TSC22D2: variants seen among roughly 807,000 people sequenced by gnomAD.
TSC22D2 encodes the protein TSC22 domain family protein 2.
In TSC22D2, 5 loss-of-function variants were observed where a neutral mutation model predicts 50.1. The observed-to-expected ratio is 0.10, with a 90% CI of 0.05 to 0.21. The LOEUF (loss-of-function observed/expected upper bound fraction) is 0.21. Among genes scored for constraint, TSC22D2 ranks in the 10% least tolerant of loss-of-function variants. The pLI is 1.00. For missense variants in TSC22D2, 1,003 were observed against 1,015.5 expected (o/e 0.99, Z 0.17); for synonymous variants, 501 against 450.1 (o/e 1.11, Z -1.43).
At chr3:150,451,062 G>A (rs886833480) in intron 1 of TSC22D2, among the ~76,000 whole-genome samples, 14 of 152,066 alleles carry the variant, frequency 9.2e-5, no homozygotes, top group Non-Finnish European at 1.5e-4. Context: ...TAGTTGGTTT[G>A]GGCAAGGGGG....
chr3:150,449,120 A>G (rs914266574), intron 1 of TSC22D2, among the ~76,000 whole-genome samples: 1 of 152,110 alleles, frequency 6.6e-6, no homozygotes, highest in African/African-American at 2.4e-5. Context: ...CACAAATATC[A>G]CTTATGTTGA....
chr3:150,440,108 GAAGTT>G (rs764687170), intron 1 of TSC22D2, among the ~76,000 whole-genome samples: 1 of 152,154 alleles, frequency 6.6e-6, no homozygotes, highest in Non-Finnish European at 1.5e-5. Context: ...AAAGCTTAGG[GAAGTT>G]AAGTAACTTG....
intron 1 of TSC22D2, among the ~76,000 whole-genome samples, chr3:150,443,818 C>CA: frequency 6.6e-6 from 1 of 152,214 alleles, no homozygotes; most frequent in East Asian, 1.9e-4. Context: ...ACCAGATTTA[C>CA]AAATGGTTTC....
intron 1 of TSC22D2, among the ~76,000 whole-genome samples, chr3:150,416,439 C>T (rs1227989732): frequency 6.6e-6 from 1 of 152,164 alleles, no homozygotes; most frequent in Non-Finnish European, 1.5e-5. Flanking sequence ...TGTAGCAAAA[C>T]TCCTAAATTA....
chr3:150,439,367 T>A (rs1720644815), intron 1 of TSC22D2, among the ~76,000 whole-genome samples: 1 of 152,196 alleles, frequency 6.6e-6, no homozygotes, highest in Admixed American at 6.5e-5. Flanking sequence ...GATATAGTAT[T>A]CCATGACTTC....
intron 1 of TSC22D2, among the ~76,000 whole-genome samples, chr3:150,412,039 A>C (rs1002263518): frequency 6.6e-6 from 1 of 152,190 alleles, no homozygotes; most frequent in African/African-American, 2.4e-5. Flanking sequence ...TCTTGAAATT[A>C]AGAGTAATTT....
intron 1 of TSC22D2, among the ~76,000 whole-genome samples, chr3:150,451,897 A>G (rs1461474597): frequency 6.6e-6 from 1 of 151,986 alleles, no homozygotes; most frequent in Non-Finnish European, 1.5e-5. Flanking sequence ...TTTTTTAGAG[A>G]CAGATCTGGC....
intron 1 of TSC22D2, among the ~76,000 whole-genome samples, chr3:150,435,576 G>A (rs187560010): frequency 8.1e-4 from 123 of 152,224 alleles, no homozygotes; most frequent in Admixed American, 3.6e-3. Flanking sequence ...TGAAAATCTG[G>A]CTATATTAGT....
intron 1 of TSC22D2, among the ~76,000 whole-genome samples, chr3:150,444,618 G>A (rs371513248): frequency 7.9e-5 from 12 of 152,342 alleles, no homozygotes; most frequent in East Asian, 1.9e-4. Context: ...AGGTCATGAT[G>A]TAAGTGTAGA....
chr3:150,433,552 G>T (rs1341693391), intron 1 of TSC22D2, among the ~76,000 whole-genome samples: 1 of 152,194 alleles, frequency 6.6e-6, no homozygotes, highest in Non-Finnish European at 1.5e-5. Flanking sequence ...AACAAGGAGG[G>T]AAAAGAGTTG....
intron 1 of TSC22D2, among the ~76,000 whole-genome samples, chr3:150,421,526 G>A (rs1414974037): frequency 6.6e-6 from 1 of 152,182 alleles, no homozygotes; most frequent in Non-Finnish European, 1.5e-5. Context: ...GGTCTAATCA[G>A]TGCCTTTGAT....
chr3:150,447,804 A>C (rs1192528029), intron 1 of TSC22D2, among the ~76,000 whole-genome samples: 1 of 152,172 alleles, frequency 6.6e-6, no homozygotes, highest in Non-Finnish European at 1.5e-5. Flanking sequence ...TTTTCCTCTG[A>C]GGTACCAGTG....
intron 1 of TSC22D2, among the ~76,000 whole-genome samples, chr3:150,454,879 G>A (rs1231761594): frequency 2.0e-5 from 3 of 152,038 alleles, no homozygotes; most frequent in East Asian, 3.8e-4. Context: ...ACAAGAGTTT[G>A]TTAGGTCAGC....
chr3:150,415,637 A>G (rs1459816494), intron 1 of TSC22D2, among the ~76,000 whole-genome samples: 1 of 152,204 alleles, frequency 6.6e-6, no homozygotes, highest in Non-Finnish European at 1.5e-5. Context: ...CAACATAGCG[A>G]GGCTTTGTCT....
chr3:150,455,464 A>G (rs751113367), intron 1 of TSC22D2, among the ~76,000 whole-genome samples: 21 of 152,236 alleles, frequency 1.4e-4, no homozygotes, highest in Non-Finnish European at 2.2e-4. Context: ...TGAAGGTAGT[A>G]TGCTGTAATT....
At chr3:150,413,399 A>G (rs190958023) in intron 1 of TSC22D2, among the ~76,000 whole-genome samples, 4 of 152,202 alleles carry the variant, frequency 2.6e-5, no homozygotes, top group Admixed American at 1.3e-4. Context: ...TTGCTTACCA[A>G]TGTTCATTTC....
chr3:150,447,004 T>C lies in TSC22D2; in HGVS notation c.1959-10072T>C, dbSNP rs576802475. On this transcript the variant is annotated intron_variant, in intron 1 of 2. Transcript: ENST00000688009. ...AAGAAATAGGCATAAAGAAAAGAAA[T>C]AGGCAAAATGAAAAGATGAGCAAAA... 2.4e-4 allele frequency among the ~76,000 whole-genome samples: 37 copies of C among 152,244 alleles called. No individual in the cohort carries two copies. In the South Asian group the frequency reaches 7.5e-3, roughly 31 times the overall value.
Position 150,409,501 on chromosome 3 carries a change from G to T in TSC22D2, c.151G>T (p.Val51Phe). The change falls in exon 1 of 3, where the codon GTC (valine) becomes TTC (phenylalanine). Residue 51 changes from valine to phenylalanine, a missense_variant. Physicochemically the swap from Val to Phe is conservative, Grantham distance 50 (BLOSUM62 -1). Around this residue, in one of 6 missense-constraint regions of TSC22D2, gnomAD observed 200 missense variants for 182.8 expected, o/e 1.09. Coordinates refer to ENST00000688009, the MANE Select transcript of TSC22D2 (RefSeq NM_001303264.2). The surrounding 1 kb of genome is among the most constrained non-coding windows in gnomAD (Gnocchi z 7.4). ...TEDVSSEIFDVSRATDYGPEE... is the reference protein window; with the variant it reads ...TEDVSSEIFDFSRATDYGPEE... Reference sequence around the variant, plus strand: ...GGACGTCTCCTCCGAGATTTTCGACGTCTCTCGGGCCACGGATTATGGCCC... The same window carrying T: ...GGACGTCTCCTCCGAGATTTTCGACTTCTCTCGGGCCACGGATTATGGCCC... 1 of 1,613,208 alleles carries T rather than the reference G, an allele frequency of 6.2e-7. No individual in the cohort carries two copies. Among genetic ancestry groups the T allele is most frequent in the Non-Finnish European group, 8.5e-7 (1 of 1,179,654 alleles).
chr3:150,429,516 A>T (rs781153129), intron 1 of TSC22D2, among the ~76,000 whole-genome samples: 1 of 152,162 alleles, frequency 6.6e-6, no homozygotes, highest in Non-Finnish European at 1.5e-5. Context: ...CAGGTCTCCA[A>T]GTTTTTAAAA....
Sources: gnomAD v4.1 joint callset for allele counts (sites outside exome capture counted in the v4.1 genomes callset) on GRCh38, gnomAD v4.1.1 for gene constraint, gnomAD v4.1.1 regional missense constraint, Gnocchi (gnomAD v3.1) non-coding constraint, MANE v1.5 for transcripts, NCBI Gene and HGNC (gene_info 2026-07-23, HGNC 2026-07-21) for gene names.